Variants in ZFYVE26 observed in about 807,000 individuals in gnomAD.
ZFYVE26 encodes zinc finger FYVE-type containing 26.
Under a neutral mutation model 276.5 loss-of-function variants are expected in ZFYVE26, and 181 were observed. The ratio of observed to expected loss-of-function variants is 0.65; its 90% CI spans 0.58 to 0.74. The LOEUF (loss-of-function observed/expected upper bound fraction) is 0.74. Among genes scored for constraint, ZFYVE26 ranks in the 30% least tolerant of loss-of-function variants. The pLI is 0.00. For synonymous variants in ZFYVE26, 1,129 were observed against 1,203.1 expected, an observed-to-expected ratio of 0.94 and a Z score of 1.27; for missense variants, 2,821 against 3,097.9, an observed-to-expected ratio of 0.91 and a Z score of 2.12.
rs1435946917 is a variant in ZFYVE26, at chr14:67,786,220, G to T, written c.3033C>A (p.Asp1011Glu). 6.4e-7 allele frequency: 1 copy of T among 1,559,586 alleles called. No homozygotes were observed. Among genetic ancestry groups the T allele is most frequent in the Non-Finnish European group, 8.7e-7 (1 of 1,145,918 alleles). Residue 1011 changes from aspartate (D) to glutamate (E), a missense_variant, in exon 17 of 42, where the codon GAC becomes GAA. By Grantham distance (45) the Asp-to-Glu change is conservative. Coordinates refer to ENST00000347230, the MANE Select transcript of ZFYVE26 (RefSeq NM_015346.4). Reference sequence around the variant, plus strand: ...TGCCATCAGCATTTAGGAGTACGTGGTCTATCCGTCGACCTGGAAATAGAT... The same window carrying T: ...TGCCATCAGCATTTAGGAGTACGTGTTCTATCCGTCGACCTGGAAATAGAT... Reference protein sequence around the residue: ...SSLERRGRRIDHVLLNADGIR... With the variant: ...SSLERRGRRIEHVLLNADGIR...
chr14:67,748,318 C>A lies in ZFYVE26; in HGVS notation c.*118G>T. The A allele has an allele frequency of 8.2e-7, 1 of 1,214,160 alleles. No homozygotes were observed. Among genetic ancestry groups the A allele is most frequent in the East Asian group, 2.5e-5 (1 of 39,614 alleles). The allele number at this position is 1,214,160 out of a possible 1,614,324, so 75.2% of individuals were successfully genotyped here. A position where few individuals can be genotyped will look rare whatever the true frequency, so the allele number is the denominator to read the frequency against. ...CAAGTAGGGTCCAATCCAACTCTTT[C>A]CAACCTAGGGCAGAGCCAGAGAAGT... On this transcript the variant is annotated 3_prime_UTR_variant, in exon 42 of 42. Transcript: ENST00000347230.
At position 67,766,189 on chromosome 14, in the gene ZFYVE26, G is replaced by A. The variant is rs534472089; in HGVS notation, c.6011+38C>T. On this transcript the variant is annotated intron_variant, in intron 32 of 41. Coordinates refer to ENST00000347230, the MANE Select transcript of ZFYVE26 (RefSeq NM_015346.4). ...CAGAAAAAGAAGCTGGCTAGAAACT[G>A]CTCCTGTGTAAAAGAATAGAGACCC... 12 of 1,596,790 alleles carry A rather than the reference G, an allele frequency of 7.5e-6. No homozygotes were observed. The South Asian group carries it at 1.2e-4, about 16-fold the overall frequency.
At chr14:67,762,948 G>A (rs2038971891) in intron 32 of ZFYVE26, 129 bp from the exon 33 acceptor site, 1 of 1,343,488 alleles carries the variant, frequency 7.4e-7, no homozygotes, top group East Asian at 2.5e-5. Context: ...TGTCACCCAG[G>A]CTGGAGTGCA....
In ZFYVE26 at chr14:67,729,357, G is replaced by C. The variant is rs376224342; in HGVS notation, n.3142C>G. The stretch of plus-strand genomic sequence containing the variant: ...ACTGCGCCCTGGCTGAGGGCCTGGA[G>C]CCCCTGAGTGGCAAGTACTTCAGGT... On this transcript the variant is annotated non_coding_transcript_exon_variant, in exon 14 of 15. Coordinates refer to the ZFYVE26 transcript ENST00000394455. The C allele has an allele frequency of 1.9e-6, 3 of 1,597,886 alleles. No individual in the cohort carries two copies. Among genetic ancestry groups the C allele is most frequent in the Non-Finnish European group, 2.5e-6 (3 of 1,179,814 alleles).
chr14:67,796,057 C>A (rs2039945290), intron 12 of ZFYVE26, among the ~76,000 whole-genome samples: 1 of 151,946 alleles, frequency 6.6e-6, no homozygotes, highest in Non-Finnish European at 1.5e-5. Flanking sequence ...ATACAGCTTG[C>A]AGAACTATAA....
Position 67,783,076 on chromosome 14 carries a change from A to T in ZFYVE26, c.4076T>A (p.Leu1359His), listed in dbSNP as rs1175222685. 1.2e-6 allele frequency: 2 copies of T among 1,613,812 alleles called. No homozygotes were observed. Among genetic ancestry groups the T allele is most frequent in the Non-Finnish European group, 1.7e-6 (2 of 1,179,836 alleles). Residue 1359 changes from leucine to histidine, a missense_variant, in exon 21 of 42, where the codon CTT becomes CAT. Leu to His is a moderately conservative substitution (Grantham distance 99). Transcript: ENST00000347230. ...CTCAAACAGAGGGAATTGTTCCAGA[A>T]GGCGCTCACACTCCCGGGCTACCTG... The part of the protein sequence containing the change: ...AEQVARECER[L>H]LEQFPLFEAF...
chr14:67,731,479 TGCTGGGATTGCAGGCGTGA>T (rs1278229699), intron 13 of ZFYVE26, among the ~76,000 whole-genome samples: 1 of 152,048 alleles, frequency 6.6e-6, no homozygotes, highest in Non-Finnish European at 1.5e-5. Flanking sequence ...CCTCCCAAAG[TGCTGGGATTGCAGGCGTGA>T]GCCACTGCGC....
chr14:67,769,542 C>A (rs746123577), intron 29 of ZFYVE26, 52 bp downstream of exon 29: 168 of 1,609,662 alleles, frequency 1.0e-4, no homozygotes, highest in Non-Finnish European at 1.4e-4. Context: ...TAGGGACCTG[C>A]GGAAGGGTGC....
rs1323983305 is a variant in ZFYVE26 at position 67,783,237 on chromosome 14, C to G, written c.3915G>C (p.Leu1305Phe). 4 of 1,613,820 alleles carry G rather than the reference C, an allele frequency of 2.5e-6. No homozygotes were observed. The East Asian group carries it at 8.9e-5, about 36-fold the overall frequency. Residue 1305 changes from leucine to phenylalanine, a missense_variant, in exon 21 of 42, where the codon TTG becomes TTC. By Grantham distance (22) the Leu-to-Phe change is conservative. Coordinates refer to ENST00000347230, the MANE Select transcript of ZFYVE26 (RefSeq NM_015346.4). ...SSLPALTSSA[L>F]AFLKSRSKLL... The stretch of plus-strand genomic sequence containing the variant: ...GCTTTGAGCGTGACTTAAGAAAGGC[C>G]AAGGCAGAGGAGGTGAGGGCTGGGA...
intron 9 of ZFYVE26, among the ~76,000 whole-genome samples, chr14:67,803,103 C>A (rs532882310): frequency 4.6e-5 from 7 of 152,250 alleles, no homozygotes; most frequent in South Asian, 4.1e-4. Context: ...TGCCTGTAGT[C>A]CCAACTACTG....
intron 26 of ZFYVE26, 56 bp downstream of exon 26, chr14:67,775,804 G>A: frequency 8.7e-6 from 14 of 1,612,620 alleles, no homozygotes; most frequent in Non-Finnish European, 1.2e-5. Flanking sequence ...AACTAAGAAT[G>A]CAGCATGGCA....
In ZFYVE26 at chr14:67,786,105, G is replaced by A; in HGVS notation, c.3139+9C>T. On this transcript the variant is annotated intron_variant, in intron 17 of 41. Coordinates refer to ENST00000347230, the MANE Select transcript of ZFYVE26 (RefSeq NM_015346.4). ...GTCCAGGAGAAGAAAAGAGAAAAAAGCAACTCACCTGATTTGGTTTGACTG... is the reference window on the plus strand; with the variant it reads ...GTCCAGGAGAAGAAAAGAGAAAAAAACAACTCACCTGATTTGGTTTGACTG... The A allele has an allele frequency of 6.2e-7, 1 of 1,614,100 alleles. No homozygotes were observed. Among genetic ancestry groups the A allele is most frequent in the Non-Finnish European group, 8.5e-7 (1 of 1,179,992 alleles).
At chr14:67,755,847 C>T (rs537408824) in intron 36 of ZFYVE26, 101 bp downstream of exon 36, 5 of 1,429,164 alleles carry the variant, frequency 3.5e-6, no homozygotes, top group Admixed American at 1.7e-5. Context: ...AACAGCAAGG[C>T]CAGGGACCAA....
chr14:67,805,047 A>T (rs1268223114), intron 8 of ZFYVE26, among the ~76,000 whole-genome samples, 170 bp downstream of exon 8: 2 of 152,240 alleles, frequency 1.3e-5, no homozygotes, highest in Non-Finnish European at 2.9e-5. Context: ...TGAAGGTAAT[A>T]ATTACTTGTG....
At chr14:67,749,064 T>A (rs980194949) in intron 41 of ZFYVE26, among the ~76,000 whole-genome samples, 1 of 152,174 alleles carries the variant, frequency 6.6e-6, no homozygotes, top group Non-Finnish European at 1.5e-5. Flanking sequence ...TTAAGCTTCA[T>A]GAGGGCAAGA....
chr14:67,794,781 C>T (rs867543805), intron 12 of ZFYVE26, among the ~76,000 whole-genome samples: 1 of 152,090 alleles, frequency 6.6e-6, no homozygotes, highest in Non-Finnish European at 1.5e-5. Flanking sequence ...CCCGTCTACA[C>T]AAAAAATTAA....
intron 35 of ZFYVE26, among the ~76,000 whole-genome samples, chr14:67,758,955 AC>A (rs1362985861): frequency 6.6e-6 from 1 of 152,086 alleles, no homozygotes; most frequent in African/African-American, 2.4e-5. Context: ...TTTTAAGAAA[AC>A]AGGCTGGGCA....
At chr14:67,776,226 G>GA in intron 25 of ZFYVE26, 120 bp from the exon 26 acceptor site, 1 of 1,398,798 alleles carries the variant, frequency 7.1e-7, no homozygotes, top group Non-Finnish European at 9.9e-7. Flanking sequence ...GCCAGCTACT[G>GA]AAACAGACTC....
At position 67,762,337 on chromosome 14, in the gene ZFYVE26, G is replaced by C; in HGVS notation, c.6235C>G (p.Leu2079Val). 6.2e-7 allele frequency: 1 copy of C among 1,614,192 alleles called. No homozygotes were observed. The highest frequency in any genetic ancestry group is 8.5e-7 in the Non-Finnish European group (1 of 1,180,012). ...CTGAACTTCTCCCGTGCAGCAGTGA[G>C]GTTCCCGGCTTTGAGGCAGGCCATG... ...WGMACLKAGN[L>V]TAAREKFSRC... Residue 2079 changes from leucine (L) to valine (V), a missense_variant, in exon 34 of 42, where the codon CTC (leucine) becomes GTC (valine). Physicochemically the swap from Leu to Val is conservative, Grantham distance 32. Transcript: ENST00000347230.
Sources: allele counts gnomAD v4.1 joint callset (sites outside exome capture counted in the v4.1 genomes callset), GRCh38; gene constraint gnomAD v4.1.1; transcripts MANE v1.5; gene names NCBI Gene and HGNC (gene_info 2026-07-23, HGNC 2026-07-21).